LYPLAL1: variants seen among roughly 807,000 people sequenced by gnomAD.
LYPLAL1 encodes lysophospholipase like 1, also known as lysophospholipase-like protein 1.
Under a neutral mutation model 19.7 loss-of-function variants are expected in LYPLAL1, and 23 were observed. The ratio of observed to expected loss-of-function variants is 1.17; its 90% CI spans 0.84 to 1.65. The LOEUF (loss-of-function observed/expected upper bound fraction) is 1.65. Among genes scored for constraint, LYPLAL1 ranks in the 40% most tolerant of loss-of-function variants. The pLI is 0.00. For missense variants in LYPLAL1, 355 were observed against 279.4 expected (o/e 1.27, Z -1.93); for synonymous variants, 119 against 96.3 (o/e 1.24, Z -1.38).
chr1:219,414,483 G>A, the LYPLAL1 span, among the ~76,000 whole-genome samples: 6 of 152,232 alleles, frequency 3.9e-5, no homozygotes, highest in South Asian at 2.1e-4. Context: ...TGAACATTCT[G>A]AGCCTTAGTT....
chr1:219,286,150 C>A, the LYPLAL1 span, among the ~76,000 whole-genome samples: 2 of 152,116 alleles, frequency 1.3e-5, no homozygotes, highest in Non-Finnish European at 2.9e-5. Flanking sequence ...CAGACTCTCC[C>A]ACTGGGGAGC....
the LYPLAL1 span, among the ~76,000 whole-genome samples, chr1:219,337,585 A>T: frequency 6.6e-6 from 1 of 151,986 alleles, no homozygotes; most frequent in Admixed American, 6.6e-5. Flanking sequence ...AATATTTTCC[A>T]ACTACTCACA....
chr1:219,225,689 A>G, the LYPLAL1 span, among the ~76,000 whole-genome samples: 7 of 152,270 alleles, frequency 4.6e-5, no homozygotes, highest in Admixed American at 1.3e-4. Context: ...TCCACCACCT[A>G]ATAAGCCCTG....
chr1:219,351,401 G>A, the LYPLAL1 span, among the ~76,000 whole-genome samples: 1 of 151,698 alleles, frequency 6.6e-6, no homozygotes, highest in Admixed American at 6.6e-5. Flanking sequence ...ATTAAGGAGG[G>A]CACATCATCA....
the LYPLAL1 span, among the ~76,000 whole-genome samples, chr1:219,234,330 C>T: frequency 2.0e-5 from 3 of 152,084 alleles, no homozygotes; most frequent in African/African-American, 7.2e-5. Flanking sequence ...AAAAATTATA[C>T]TTAATGAATG....
At chr1:219,324,514 TA>T in the LYPLAL1 span, among the ~76,000 whole-genome samples, 1 of 152,194 alleles carries the variant, frequency 6.6e-6, no homozygotes, top group African/African-American at 2.4e-5. Flanking sequence ...CTGCATTTAA[TA>T]AAGGCAGCAG....
At chr1:219,315,090 T>G in the LYPLAL1 span, among the ~76,000 whole-genome samples, 2 of 152,140 alleles carry the variant, frequency 1.3e-5, no homozygotes, top group African/African-American at 4.8e-5. Flanking sequence ...TAACCAGATC[T>G]TAGCATAAAT....
At chr1:219,411,034 C>T in the LYPLAL1 span, among the ~76,000 whole-genome samples, 4 of 152,338 alleles carry the variant, frequency 2.6e-5, no homozygotes, top group South Asian at 6.2e-4. Flanking sequence ...CTGAGGAATG[C>T]GAGCGCACGG....
the LYPLAL1 span, among the ~76,000 whole-genome samples, chr1:219,328,676 T>C: frequency 2.4e-3 from 360 of 152,296 alleles, 4 homozygotes; most frequent in African/African-American, 8.3e-3. Flanking sequence ...TAAGCCACAT[T>C]AATAAACCTC....
At chr1:219,299,412 GAAAT>G in the LYPLAL1 span, among the ~76,000 whole-genome samples, 1 of 152,296 alleles carries the variant, frequency 6.6e-6, no homozygotes, top group African/African-American at 2.4e-5. Flanking sequence ...GGTATCATAT[GAAAT>G]AACAGACTCA....
the LYPLAL1 span, among the ~76,000 whole-genome samples, chr1:219,295,222 G>T: frequency 1.3e-5 from 2 of 152,196 alleles, no homozygotes; most frequent in East Asian, 1.9e-4. Flanking sequence ...GCCTTCTGTT[G>T]TCATTTTAAA....
the LYPLAL1 span, among the ~76,000 whole-genome samples, chr1:219,341,714 A>T: frequency 6.6e-6 from 1 of 152,136 alleles, no homozygotes; most frequent in East Asian, 1.9e-4. Flanking sequence ...GACTTACAAG[A>T]ACCTGTTTTT....
At chr1:219,322,746 T>C in the LYPLAL1 span, among the ~76,000 whole-genome samples, 8 of 152,232 alleles carry the variant, frequency 5.3e-5, no homozygotes, top group African/African-American at 1.9e-4. Flanking sequence ...GCCCATTTTC[T>C]GTCCCAGTTT....
the LYPLAL1 span, among the ~76,000 whole-genome samples, chr1:219,419,913 T>C: frequency 1.3e-5 from 2 of 152,210 alleles, no homozygotes; most frequent in Admixed American, 6.5e-5. Flanking sequence ...TCAGAGTTCT[T>C]AATTTCTATG....
At chr1:219,242,900 T>G in the LYPLAL1 span, among the ~76,000 whole-genome samples, 1 of 152,162 alleles carries the variant, frequency 6.6e-6, no homozygotes, top group African/African-American at 2.4e-5. Flanking sequence ...GTTTAAACTG[T>G]AAAAGCATTT....
chr1:219,243,141 T>C, the LYPLAL1 span, among the ~76,000 whole-genome samples: 1 of 152,214 alleles, frequency 6.6e-6, no homozygotes, highest in African/African-American at 2.4e-5. Context: ...TCCTAAGTTC[T>C]GATCATGGCT....
chr1:219,419,703 C>T, the LYPLAL1 span, among the ~76,000 whole-genome samples: 299 of 152,024 alleles, frequency 2.0e-3, 5 homozygotes, highest in East Asian at 0.04. Context: ...TGAGGCTGGG[C>T]GGTGTTCTCT....
chr1:219,311,357 C>A, the LYPLAL1 span, among the ~76,000 whole-genome samples: 1 of 152,126 alleles, frequency 6.6e-6, no homozygotes, highest in Non-Finnish European at 1.5e-5. Flanking sequence ...TCCTGATTAG[C>A]AATCAATCTA....
the LYPLAL1 span, among the ~76,000 whole-genome samples, chr1:219,345,259 T>C: frequency 6.6e-6 from 1 of 152,192 alleles, no homozygotes; most frequent in Non-Finnish European, 1.5e-5. Context: ...AATTAATATC[T>C]TGTATTTTTC....
Sources: allele counts gnomAD v4.1 joint callset (sites outside exome capture counted in the v4.1 genomes callset), GRCh38; gene constraint gnomAD v4.1.1; transcripts MANE v1.5; gene names NCBI Gene and HGNC (gene_info 2026-07-23, HGNC 2026-07-21).